RTF1: variants seen among roughly 807,000 people sequenced by gnomAD.
The protein encoded by RTF1 is RTF1 homolog, Paf1/RNA polymerase II complex component.
In RTF1, 10 loss-of-function variants were observed where a neutral mutation model predicts 95.7. The observed-to-expected ratio is 0.10, with a 90% CI of 0.06 to 0.18. The LOEUF (loss-of-function observed/expected upper bound fraction) is 0.18. Among genes scored for constraint, RTF1 ranks in the 10% least tolerant of loss-of-function variants. The probability of loss-of-function intolerance (pLI) is 1.00; values close to 1 mark genes in which losing one functional copy is unlikely to be tolerated. For synonymous variants in RTF1, 305 were observed against 311.8 expected (o/e 0.98, Z 0.23); for missense variants, 458 against 875.6 (o/e 0.52, Z 6.02).
chr15:41,453,128 AG>A (rs146922868), intron 3 of RTF1, 80 bp downstream of exon 3: 8 of 1,252,110 alleles, frequency 6.4e-6, no homozygotes, highest in East Asian at 2.5e-5. Flanking sequence ...GTGGGGAGGA[AG>A]GGGGGTACTT....
chr15:41,479,241 G>A (rs749645084), intron 16 of RTF1, 43 bp downstream of exon 16: 1 of 1,367,378 alleles, frequency 7.3e-7, no homozygotes, highest in Non-Finnish European at 1.0e-6. Context: ...TGAGGCTGCT[G>A]GCTGAGATAC....
At chr15:41,474,806 A>G (rs2050934370) in intron 9 of RTF1, 104 bp downstream of exon 9, 6 of 830,158 alleles carry the variant, frequency 7.2e-6, no homozygotes, top group African/African-American at 3.3e-5. Context: ...CATGAACGCT[A>G]TGTATGCAAT....
In RTF1 at chr15:41,425,531, G is replaced by T. The variant is rs142499691; in HGVS notation, c.198+8218G>T. ...CCAGACTATTGTGGAGAGTAATATGGAGGGGGACACTAATGAAGTGGCAGA... is the reference window on the plus strand; with the variant it reads ...CCAGACTATTGTGGAGAGTAATATGTAGGGGGACACTAATGAAGTGGCAGA... On this transcript the variant is annotated intron_variant, in intron 1 of 17. Transcript: ENST00000389629. Among the ~76,000 whole-genome samples, 375 of 152,268 alleles carry T rather than the reference G, an allele frequency of 2.5e-3. 1 individual carries two copies. The highest frequency in any genetic ancestry group is 8.6e-3 in the African/African-American group (356 of 41,562).
At chr15:41,442,714 T>C (rs1273871759) in intron 2 of RTF1, among the ~76,000 whole-genome samples, 2 of 151,950 alleles carry the variant, frequency 1.3e-5, no homozygotes, top group African/African-American at 2.4e-5. Flanking sequence ...GGCGAAACCC[T>C]GTCTCTACTA....
At chr15:41,441,918 T>C (rs1450279898) in intron 2 of RTF1, among the ~76,000 whole-genome samples, 1 of 152,178 alleles carries the variant, frequency 6.6e-6, no homozygotes, top group Non-Finnish European at 1.5e-5. Flanking sequence ...ATCATGTCTC[T>C]TTGGCCCAAG....
intron 1 of RTF1, among the ~76,000 whole-genome samples, chr15:41,433,357 C>T (rs2050685316): frequency 6.6e-6 from 1 of 152,152 alleles, no homozygotes; most frequent in Admixed American, 6.6e-5. Context: ...CTTTTTGAGA[C>T]AGAGTCTCAC....
At chr15:41,442,479 C>T (rs1654925098) in intron 2 of RTF1, among the ~76,000 whole-genome samples, 1 of 151,788 alleles carries the variant, frequency 6.6e-6, no homozygotes, top group Admixed American at 6.6e-5. Flanking sequence ...ATTAATACGT[C>T]TTTCGTGGGT....
chr15:41,449,257 G>A (rs577018110), intron 2 of RTF1, among the ~76,000 whole-genome samples: 1 of 118,460 alleles, frequency 8.4e-6, no homozygotes, highest in South Asian at 2.8e-4. Context: ...TTGAGACAGA[G>A]TCTCGCTCTG....
At chr15:41,475,068 C>A (rs1287466760) in intron 9 of RTF1, among the ~76,000 whole-genome samples, 2 of 152,300 alleles carry the variant, frequency 1.3e-5, no homozygotes, top group Non-Finnish European at 2.9e-5. Context: ...TTATGGACTT[C>A]ATTTCCTCTT....
intron 4 of RTF1, 111 bp downstream of exon 4, chr15:41,457,987 G>A (rs1234762236): frequency 2.6e-6 from 2 of 758,542 alleles, no homozygotes; most frequent in Non-Finnish European, 4.3e-6. Context: ...ACTGGCATTT[G>A]GAATTGACTG....
chr15:41,468,568 C>T (rs545893575), intron 6 of RTF1, among the ~76,000 whole-genome samples: 70 of 152,124 alleles, frequency 4.6e-4, no homozygotes, highest in Non-Finnish European at 9.1e-4. Context: ...CCGCCCGCCT[C>T]GGCCTCCCAA....
rs1218126130 is a variant in RTF1, at chr15:41,481,005, C to T, written c.*318C>T. 1.1e-5 allele frequency: 3 copies of T among 270,584 alleles called. No homozygotes were observed. The highest frequency in any genetic ancestry group is 2.2e-5 in the Non-Finnish European group (3 of 137,446). 16.8% of individuals were successfully genotyped at this position (270,584 alleles called of 1,614,324 possible). A position where few individuals can be genotyped will look rare whatever the true frequency, so the allele number is the denominator to read the frequency against. On this transcript the variant is annotated 3_prime_UTR_variant, in exon 18 of 18. Coordinates refer to ENST00000389629, the MANE Select transcript of RTF1 (RefSeq NM_015138.5). ...GTTCATTGGCCACTCTGCACGCATT[C>T]AGTATTACCATGGAGCTGGGAATCT...
intron 1 of RTF1, among the ~76,000 whole-genome samples, chr15:41,428,607 C>G (rs2050651408): frequency 6.7e-6 from 1 of 150,322 alleles, no homozygotes; most frequent in African/African-American, 2.5e-5. Flanking sequence ...GGGTCTCACT[C>G]TGTTACCCAA....
intron 13 of RTF1, 50 bp downstream of exon 13, chr15:41,477,336 A>C: frequency 6.2e-7 from 1 of 1,613,938 alleles, no homozygotes. Context: ...CAAAATTATC[A>C]GGCAAGCCTG....
chr15:41,471,087 A>T, intron 7 of RTF1, 85 bp from the exon 8 acceptor site: 1 of 1,319,932 alleles, frequency 7.6e-7, no homozygotes, highest in Non-Finnish European at 1.0e-6. Flanking sequence ...TACTTTGGTT[A>T]AGTTTTGAGG....
At chr15:41,440,856 T>C (rs1197383405) in intron 2 of RTF1, among the ~76,000 whole-genome samples, 2 of 152,068 alleles carry the variant, frequency 1.3e-5, no homozygotes, top group Non-Finnish European at 2.9e-5. Flanking sequence ...AAAAAATCAG[T>C]GGGGGGTCTA....
chr15:41,418,847 T>TTTTA (rs1407753782), intron 1 of RTF1, among the ~76,000 whole-genome samples: 9 of 151,652 alleles, frequency 5.9e-5, no homozygotes, highest in Admixed American at 2.0e-4. Flanking sequence ...GGGGAGGACT[T>TTTTA]TTTATTTATT....
intron 8 of RTF1, among the ~76,000 whole-genome samples, chr15:41,472,212 GTT>G (rs1006916671): frequency 7.6e-6 from 1 of 131,472 alleles, no homozygotes. Context: ...TTTATTTGTT[GTT>G]TTTTTTTTTC....
chr15:41,466,767 A>G (rs1053961037), intron 6 of RTF1, among the ~76,000 whole-genome samples: 7 of 152,216 alleles, frequency 4.6e-5, no homozygotes, highest in African/African-American at 1.7e-4. Flanking sequence ...TTTAATCTGT[A>G]TGTTTTCTTC....
Sources: gnomAD v4.1 joint callset for allele counts (sites outside exome capture counted in the v4.1 genomes callset) on GRCh38, gnomAD v4.1.1 for gene constraint, MANE v1.5 for transcripts, NCBI Gene and HGNC (gene_info 2026-07-23, HGNC 2026-07-21) for gene names.